Variants in ASPRV1 observed in about 807,000 individuals in gnomAD.
The protein encoded by ASPRV1 is retroviral-like aspartic protease 1.
A neutral mutation model predicts 11.0 loss-of-function variants in ASPRV1; 7 were observed. The observed-to-expected ratio is 0.64, with a 90% CI of 0.36 to 1.20. ASPRV1 has a LOEUF of 1.20. ASPRV1 is among the 50% of genes most tolerant of loss of function. The probability of loss-of-function intolerance (pLI) is 0.02; values close to 1 mark genes in which losing one functional copy is unlikely to be tolerated. For synonymous variants in ASPRV1, 136 were observed against 138.4 expected (o/e 0.98, Z 0.12); for missense variants, 299 against 320.0 (o/e 0.93, Z 0.50).
chr2:70,009,581 C>T, the ASPRV1 span, among the ~76,000 whole-genome samples: 2 of 152,166 alleles, frequency 1.3e-5, no homozygotes, highest in Admixed American at 6.5e-5. Context: ...CCACCCGCCT[C>T]GGCCTCCCAA....
At chr2:69,996,364 C>T in the ASPRV1 span, among the ~76,000 whole-genome samples, 2 of 151,690 alleles carry the variant, frequency 1.3e-5, no homozygotes, top group African/African-American at 4.8e-5. Flanking sequence ...TGCACTCCAG[C>T]GTGGGTGACA....
the ASPRV1 span, among the ~76,000 whole-genome samples, chr2:70,002,617 G>A: frequency 3.3e-4 from 50 of 152,236 alleles, no homozygotes; most frequent in Non-Finnish European, 4.4e-5. Context: ...ATAGGTTATT[G>A]CCCTCACATC....
At chr2:69,983,273 C>G in the ASPRV1 span, among the ~76,000 whole-genome samples, 1 of 152,228 alleles carries the variant, frequency 6.6e-6, no homozygotes, top group Non-Finnish European at 1.5e-5. Context: ...ACTGGATGCT[C>G]AAGTTCTAGT....
At chr2:69,941,545 G>A in the ASPRV1 span, 6 of 152,146 alleles carry the variant, frequency 3.9e-5, no homozygotes, top group Admixed American at 2.0e-4. Flanking sequence ...GTAGGCCCTC[G>A]TCCTGCAGTT....
chr2:69,959,314 G>T (rs1678007504), downstream of ASPRV1, among the ~76,000 whole-genome samples: 1 of 152,130 alleles, frequency 6.6e-6, no homozygotes, highest in Admixed American at 6.5e-5. Context: ...CCTCCCCTGA[G>T]AACAGGCTCG....
the ASPRV1 span, among the ~76,000 whole-genome samples, chr2:69,997,717 A>C: frequency 6.6e-6 from 1 of 152,226 alleles, no homozygotes. Context: ...GATGAGCAAC[A>C]GAATGACCTG....
At chr2:69,985,064 G>T in the ASPRV1 span, among the ~76,000 whole-genome samples, 1 of 152,076 alleles carries the variant, frequency 6.6e-6, no homozygotes, top group African/African-American at 2.4e-5. Context: ...CACTGTGTTA[G>T]CCAGGATGGT....
the ASPRV1 span, among the ~76,000 whole-genome samples, chr2:70,013,937 G>A: frequency 6.6e-6 from 1 of 152,152 alleles, no homozygotes; most frequent in Non-Finnish European, 1.5e-5. Flanking sequence ...TGGATTCATT[G>A]TTGTTACTTT....
chr2:69,966,673 G>C, the ASPRV1 span, among the ~76,000 whole-genome samples: 1 of 152,208 alleles, frequency 6.6e-6, no homozygotes, highest in African/African-American at 2.4e-5. Flanking sequence ...ACTTGGCTTA[G>C]AGCTGAACAC....
the ASPRV1 span, among the ~76,000 whole-genome samples, chr2:70,042,016 C>T: frequency 1.3e-5 from 2 of 151,950 alleles, no homozygotes; most frequent in Non-Finnish European, 2.9e-5. Flanking sequence ...ATGTCCATTC[C>T]TTTGGGATAA....
At chr2:69,945,934 G>A in the ASPRV1 span, among the ~76,000 whole-genome samples, 10 of 152,120 alleles carry the variant, frequency 6.6e-5, no homozygotes, top group East Asian at 1.9e-4. Context: ...TCAGAAATAC[G>A]TCTGCCTTCA....
the ASPRV1 span, among the ~76,000 whole-genome samples, chr2:70,029,717 T>C: frequency 6.6e-6 from 1 of 152,262 alleles, no homozygotes; most frequent in East Asian, 1.9e-4. Context: ...CTTGGCCACT[T>C]TGCTTGTCAG....
the ASPRV1 span, among the ~76,000 whole-genome samples, chr2:70,023,899 T>C: frequency 1.3e-5 from 2 of 151,894 alleles, no homozygotes; most frequent in South Asian, 2.1e-4. Flanking sequence ...AGACAAACAA[T>C]AGAGATGACA....
chr2:70,065,819 CAAAAAAA>C, the ASPRV1 span, among the ~76,000 whole-genome samples: 17 of 67,446 alleles, frequency 2.5e-4, no homozygotes, highest in Admixed American at 1.8e-3. Context: ...GCTTTTGACT[CAAAAAAA>C]AAAAAAAAAA....
chr2:69,978,601 T>C, the ASPRV1 span, among the ~76,000 whole-genome samples: 4 of 152,102 alleles, frequency 2.6e-5, no homozygotes, highest in African/African-American at 7.2e-5. Context: ...CCCTCACAGA[T>C]TACACCAACG....
chr2:69,946,270 CA>C, the ASPRV1 span, among the ~76,000 whole-genome samples: 1 of 152,164 alleles, frequency 6.6e-6, no homozygotes, highest in Non-Finnish European at 1.5e-5. Flanking sequence ...AATAGAAACT[CA>C]GGGGGAGTGC....
At chr2:69,970,558 A>G in the ASPRV1 span, among the ~76,000 whole-genome samples, 3 of 152,092 alleles carry the variant, frequency 2.0e-5, no homozygotes, top group African/African-American at 7.2e-5. Context: ...GTCAACTAAG[A>G]CACTACCACC....
the ASPRV1 span, chr2:69,938,104 C>A: frequency 1.3e-5 from 21 of 1,613,650 alleles, no homozygotes; most frequent in Non-Finnish European, 1.7e-5. Context: ...CAGAAGAAAT[C>A]GACGTTGACG....
chr2:70,065,361 A>G, the ASPRV1 span, among the ~76,000 whole-genome samples: 1 of 139,250 alleles, frequency 7.2e-6, no homozygotes. Context: ...ACTACACTCC[A>G]GCCTGGGTAA....
Sources: gnomAD v4.1 joint callset for allele counts (sites outside exome capture counted in the v4.1 genomes callset) on GRCh38, gnomAD v4.1.1 for gene constraint, MANE v1.5 for transcripts, NCBI Gene and HGNC (gene_info 2026-07-23, HGNC 2026-07-21) for gene names.